RPS6KC1: variants seen among roughly 807,000 people sequenced by gnomAD.
RPS6KC1 encodes the protein ribosomal protein S6 kinase C1.
A neutral mutation model predicts 103.8 loss-of-function variants in RPS6KC1; 54 were observed. That is an observed-to-expected ratio of 0.52 (90% CI 0.42 to 0.65). The LOEUF is 0.65. Among genes scored for constraint, RPS6KC1 ranks in the 30% least tolerant of loss-of-function variants. The pLI is 0.00. For synonymous variants in RPS6KC1, 439 were observed against 438.7 expected (o/e 1.00, Z -0.01); for missense variants, 1,151 against 1,253.8 (o/e 0.92, Z 1.24).
At chr1:213,315,372 A>G in the RPS6KC1 span, among the ~76,000 whole-genome samples, 1 of 152,222 alleles carries the variant, frequency 6.6e-6, no homozygotes, top group Non-Finnish European at 1.5e-5. Flanking sequence ...AGGAAGGTCA[A>G]TCTCCTGGCA....
At chr1:213,172,387 C>T (rs755605561) in intron 7 of RPS6KC1, among the ~76,000 whole-genome samples, 4 of 151,930 alleles carry the variant, frequency 2.6e-5, no homozygotes, top group East Asian at 1.9e-4. Context: ...TGAGGCCAGG[C>T]GTTCGAGACC....
chr1:213,708,624 G>C, the RPS6KC1 span, among the ~76,000 whole-genome samples: 1 of 152,122 alleles, frequency 6.6e-6, no homozygotes, highest in South Asian at 2.1e-4. Context: ...TCCTTGTCCT[G>C]TGCTGGTTTT....
intron 1 of RPS6KC1, among the ~76,000 whole-genome samples, chr1:213,054,776 T>G (rs1407052922): frequency 6.6e-6 from 1 of 152,206 alleles, no homozygotes; most frequent in Non-Finnish European, 1.5e-5. Context: ...TAACAGATTC[T>G]GCAGTTAAAC....
the RPS6KC1 span, among the ~76,000 whole-genome samples, chr1:213,711,584 A>C: frequency 1.3e-5 from 2 of 152,146 alleles, no homozygotes; most frequent in South Asian, 4.2e-4. Context: ...TTGGAGGAGA[A>C]GAGGCATTCT....
chr1:213,230,791 C>A (rs1209481458), intron 9 of RPS6KC1, among the ~76,000 whole-genome samples: 1 of 141,454 alleles, frequency 7.1e-6, no homozygotes, highest in African/African-American at 2.7e-5. Context: ...ACCAAGATTG[C>A]ACCATTGCAC....
the RPS6KC1 span, among the ~76,000 whole-genome samples, chr1:213,299,307 T>G: frequency 1.3e-5 from 2 of 152,230 alleles, no homozygotes; most frequent in African/African-American, 4.8e-5. Flanking sequence ...CCTAGCACTT[T>G]GGGAAGCCAA....
the RPS6KC1 span, among the ~76,000 whole-genome samples, chr1:213,560,023 G>A: frequency 6.6e-6 from 1 of 151,966 alleles, no homozygotes; most frequent in Admixed American, 6.5e-5. Context: ...TGAAACTCTT[G>A]GTTCAGAGAT....
the RPS6KC1 span, among the ~76,000 whole-genome samples, chr1:213,813,796 C>A: frequency 3.0e-3 from 453 of 152,246 alleles, 3 homozygotes; most frequent in African/African-American, 0.01. Context: ...GGGGGGCTGC[C>A]AACAGCAAGC....
chr1:213,174,180 G>C (rs925134706), intron 7 of RPS6KC1, among the ~76,000 whole-genome samples: 1 of 152,154 alleles, frequency 6.6e-6, no homozygotes, highest in Non-Finnish European at 1.5e-5. Flanking sequence ...GTTAGTAAAA[G>C]GATTGCAAGC....
intron 6 of RPS6KC1, 51 bp from the exon 7 acceptor site, chr1:213,167,807 G>A (rs760522018): frequency 4.3e-6 from 5 of 1,150,506 alleles, no homozygotes; most frequent in African/African-American, 1.6e-5. Flanking sequence ...TTAATTTTCA[G>A]GTTGAACTGA....
At chr1:213,744,037 C>T in the RPS6KC1 span, among the ~76,000 whole-genome samples, 5 of 152,010 alleles carry the variant, frequency 3.3e-5, no homozygotes, top group African/African-American at 9.7e-5. Flanking sequence ...AATGGAAAAC[C>T]AAATATTGTA....
chr1:213,814,830 G>T, the RPS6KC1 span, among the ~76,000 whole-genome samples: 1 of 152,178 alleles, frequency 6.6e-6, no homozygotes, highest in Non-Finnish European at 1.5e-5. Context: ...CAAGGATTTG[G>T]ATCCAGGGGG....
At chr1:213,096,728 G>A (rs2081493028) in intron 3 of RPS6KC1, among the ~76,000 whole-genome samples, 4 of 151,998 alleles carry the variant, frequency 2.6e-5, no homozygotes, top group Admixed American at 2.6e-4. Context: ...CATCTAGGGT[G>A]GTGAATCCTT....
intron 5 of RPS6KC1, among the ~76,000 whole-genome samples, chr1:213,125,355 A>T (rs1224192031): frequency 6.6e-6 from 1 of 152,136 alleles, no homozygotes; most frequent in Non-Finnish European, 1.5e-5. Flanking sequence ...ATTTTATCAT[A>T]AGGAGATATC....
chr1:213,316,554 G>GA, the RPS6KC1 span, among the ~76,000 whole-genome samples: 1 of 152,324 alleles, frequency 6.6e-6, no homozygotes, highest in South Asian at 2.1e-4. Flanking sequence ...AATTGCTAGG[G>GA]ATATAAGAGA....
chr1:213,315,627 T>C, the RPS6KC1 span, among the ~76,000 whole-genome samples: 1 of 152,254 alleles, frequency 6.6e-6, no homozygotes, highest in Non-Finnish European at 1.5e-5. Flanking sequence ...AATTTTCAGA[T>C]CTATATTAGT....
At chr1:213,521,684 A>G in the RPS6KC1 span, among the ~76,000 whole-genome samples, 1 of 152,204 alleles carries the variant, frequency 6.6e-6, no homozygotes, top group Non-Finnish European at 1.5e-5. Context: ...TGTTATTTCA[A>G]CAATGTTCAC....
At chr1:213,627,609 T>G in the RPS6KC1 span, among the ~76,000 whole-genome samples, 1 of 152,230 alleles carries the variant, frequency 6.6e-6, no homozygotes, top group Non-Finnish European at 1.5e-5. Flanking sequence ...CAATACCTAA[T>G]TTATTGAGAG....
chr1:213,505,156 T>G, the RPS6KC1 span, among the ~76,000 whole-genome samples: 1 of 152,164 alleles, frequency 6.6e-6, no homozygotes, highest in Non-Finnish European at 1.5e-5. Flanking sequence ...GAGATCCTAT[T>G]CTATGTTCCA....
Sources: allele counts gnomAD v4.1 joint callset (sites outside exome capture counted in the v4.1 genomes callset), GRCh38; gene constraint gnomAD v4.1.1; transcripts MANE v1.5; gene names NCBI Gene and HGNC (gene_info 2026-07-23, HGNC 2026-07-21).